Variants in MTHFD1 observed in about 807,000 individuals in gnomAD.
MTHFD1 encodes the protein C-1-tetrahydrofolate synthase, cytoplasmic.
Under a neutral mutation model 110.3 loss-of-function variants are expected in MTHFD1, and 44 were observed. The observed-to-expected ratio is 0.40, with a 90% CI of 0.31 to 0.51. The LOEUF is 0.51. Ranked by LOEUF, MTHFD1 falls within the 20% of genes least tolerant of loss-of-function variation. The pLI, the probability that MTHFD1 is intolerant of heterozygous loss-of-function variation, is 0.60. For synonymous variants in MTHFD1, 402 were observed against 428.8 expected (o/e 0.94, Z 0.77); for missense variants, 909 against 1,173.1 (o/e 0.77, Z 3.29).
intron 1 of MTHFD1, among the ~76,000 whole-genome samples, chr14:64,400,003 G>A (rs2077884234): frequency 6.6e-6 from 1 of 152,176 alleles, no homozygotes; most frequent in South Asian, 2.1e-4. Flanking sequence ...TTAAACTCCT[G>A]TTCTAAAGCA....
chr14:64,431,565 A>G lies in MTHFD1; in HGVS notation c.1345A>G (p.Ile449Val), dbSNP rs2078160652. ...NLHLTGDIHA[I>V]TAANNLVAAA... ...CCACCTCACAGGTGACATCCATGCC[A>G]TCACTGCAGCTAATAACCTCGTTGC... Residue 449 changes from isoleucine to valine, a missense_variant, in exon 14 of 28, where the codon ATC (isoleucine) becomes GTC (valine). Physicochemically the swap from Ile to Val is conservative, Grantham distance 29. Around this residue, in one of 3 missense-constraint regions of MTHFD1, gnomAD observed 482 missense variants for 646.0 expected, o/e 0.75. Transcript: ENST00000652337. The G allele has an allele frequency of 6.2e-7, 1 of 1,614,062 alleles. No homozygotes were observed. The highest frequency in any genetic ancestry group is 8.5e-7 in the Non-Finnish European group (1 of 1,180,010).
intron 16 of MTHFD1, among the ~76,000 whole-genome samples, chr14:64,438,862 G>A (rs2078226344): frequency 1.3e-5 from 2 of 152,190 alleles, no homozygotes; most frequent in African/African-American, 4.8e-5. Context: ...GAATTCTCTA[G>A]ATGGGATAAA....
chr14:64,391,029 T>C (rs544105651), intron 1 of MTHFD1, among the ~76,000 whole-genome samples: 4 of 152,226 alleles, frequency 2.6e-5, no homozygotes, highest in Non-Finnish European at 5.9e-5. Flanking sequence ...AAAAGTGATG[T>C]GATTTGTCCA....
In MTHFD1 at chr14:64,438,961, C is replaced by T. The variant is rs2078227316; in HGVS notation, c.1598-135C>T. 9 of 726,576 alleles carry T rather than the reference C, an allele frequency of 1.2e-5. No individual in the cohort carries two copies. In the East Asian group the frequency reaches 2.4e-4, roughly 19 times the overall value. The allele number at this position is 726,576 out of a possible 1,614,324, so 45.0% of individuals were successfully genotyped here. ...TCATTTCTTAACTTTAACACATATT[C>T]TAGCTTTGCCATCCATTTTGAAATA... On this transcript the variant is annotated intron_variant, in intron 16 of 27. Transcript: ENST00000652337.
chr14:64,397,084 G>C (rs2077855972), intron 1 of MTHFD1, among the ~76,000 whole-genome samples: 1 of 92,988 alleles, frequency 1.1e-5, no homozygotes, highest in African/African-American at 4.5e-5. Flanking sequence ...CAGCCTGGGA[G>C]ACGGAGGGAG....
At chr14:64,393,007 C>T (rs1349323889) in intron 1 of MTHFD1, among the ~76,000 whole-genome samples, 2 of 152,120 alleles carry the variant, frequency 1.3e-5, no homozygotes, top group African/African-American at 4.8e-5. Flanking sequence ...ATTTGCTTAC[C>T]ATAGTGAAGG....
intron 18 of MTHFD1, 183 bp downstream of exon 18, chr14:64,440,449 A>G: frequency 1.3e-6 from 1 of 745,216 alleles, no homozygotes; most frequent in Non-Finnish European, 2.3e-6. Flanking sequence ...ATCAGAGTGA[A>G]TAATAGCTGG....
At chr14:64,458,526 GGCTTGTCACA>G in intron 27 of MTHFD1, 1 of 569,344 alleles carries the variant, frequency 1.8e-6, no homozygotes, top group Non-Finnish European at 3.2e-6. Context: ...AGCGCAGCAT[GGCTTGTCACA>G]GGTTGACAGT....
At chr14:64,449,038 AT>A (rs1336334643) in intron 23 of MTHFD1, 1 of 318,648 alleles carries the variant, frequency 3.1e-6, no homozygotes. Context: ...TGACCTCGTG[AT>A]TCTCCCACCT....
chr14:64,456,592 C>T (rs1006961543), intron 26 of MTHFD1, among the ~76,000 whole-genome samples: 2 of 152,110 alleles, frequency 1.3e-5, no homozygotes, highest in African/African-American at 2.4e-5. Flanking sequence ...TGCACATGCC[C>T]GTCTACAACA....
chr14:64,448,793 G>T (rs2078321194), intron 23 of MTHFD1, among the ~76,000 whole-genome samples: 1 of 139,406 alleles, frequency 7.2e-6, no homozygotes, highest in African/African-American at 2.9e-5. Flanking sequence ...AGAATGGGAA[G>T]CAAAAAATCT....
chr14:64,458,565 G>C (rs1447320145), intron 27 of MTHFD1: 1 of 502,840 alleles, frequency 2.0e-6, no homozygotes, highest in Non-Finnish European at 3.6e-6. Context: ...GAAAACTGCT[G>C]TCCAATAAAC....
At chr14:64,403,312 T>TC (rs1282926731) in intron 2 of MTHFD1, among the ~76,000 whole-genome samples, 1 of 151,236 alleles carries the variant, frequency 6.6e-6, no homozygotes, top group Admixed American at 6.6e-5. Context: ...TCTCGCTCTA[T>TC]CCCCCAGGCT....
At chr14:64,425,681 G>T (rs1260637787) in intron 9 of MTHFD1, 49 bp from the exon 10 acceptor site, 1 of 1,477,456 alleles carries the variant, frequency 6.8e-7, no homozygotes. Context: ...CTGAGGTGAG[G>T]ATTAAAATAA....
In MTHFD1 at chr14:64,416,373, A is replaced by G. The variant is rs550204521; in HGVS notation, c.478+634A>G. Among the ~76,000 whole-genome samples, 3 of 152,256 alleles carry G rather than the reference A, an allele frequency of 2.0e-5. No homozygotes were observed. In the East Asian group the frequency reaches 5.8e-4, roughly 29 times the overall value. Reference sequence around the variant, plus strand: ...AGTTCAAAGCAATTTATTTTAACCTATACAGTAATAAAAATTTGGATAGTT... The same window carrying G: ...AGTTCAAAGCAATTTATTTTAACCTGTACAGTAATAAAAATTTGGATAGTT... On this transcript the variant is annotated intron_variant, in intron 6 of 27. Transcript: ENST00000652337.
chr14:64,454,834 G>T lies in MTHFD1; in HGVS notation c.2677G>T (p.Ala893Ser), dbSNP rs1472102736. Residue 893 changes from alanine to serine, a missense_variant, in exon 26 of 28, where the codon GCC becomes TCC. Coordinates refer to ENST00000652337, the MANE Select transcript of MTHFD1 (RefSeq NM_005956.4). ...GFILPIRDIR[A>S]SVGAGFLYPL... ...CATTCTGCCCATTCGCGACATCCGC[G>T]CCAGCGTTGGGGCTGGTTTTCTGTA... 1 of 1,614,058 alleles carries T rather than the reference G, an allele frequency of 6.2e-7. No homozygotes were observed. Among genetic ancestry groups the T allele is most frequent in the East Asian group, 2.2e-5 (1 of 44,882 alleles).
chr14:64,454,287 G>GT (rs1442659272), intron 25 of MTHFD1, among the ~76,000 whole-genome samples: 1 of 151,898 alleles, frequency 6.6e-6, no homozygotes, highest in Non-Finnish European at 1.5e-5. Flanking sequence ...TAATTTTTGT[G>GT]TTTTTTGTTG....
chr14:64,435,863 C>G (rs1566569078), intron 16 of MTHFD1, among the ~76,000 whole-genome samples, 192 bp downstream of exon 16: 5 of 152,150 alleles, frequency 3.3e-5, no homozygotes, highest in Admixed American at 2.6e-4. Flanking sequence ...TAGCTATCAT[C>G]AAATCTCTTT....
At chr14:64,409,735 T>C (rs2077967362) in intron 2 of MTHFD1, among the ~76,000 whole-genome samples, 1 of 152,010 alleles carries the variant, frequency 6.6e-6, no homozygotes, top group Non-Finnish European at 1.5e-5. Context: ...CTCAAAGGAC[T>C]CTTCTGGCTC....
Sources: allele counts gnomAD v4.1 joint callset (sites outside exome capture counted in the v4.1 genomes callset), GRCh38; gene constraint gnomAD v4.1.1; regional missense constraint gnomAD v4.1.1; transcripts MANE v1.5; gene names NCBI Gene and HGNC (gene_info 2026-07-23, HGNC 2026-07-21).